Variants in SMCHD1 observed in about 807,000 individuals in gnomAD.
The protein encoded by SMCHD1 is structural maintenance of chromosomes flexible hinge domain-containing protein 1.
In SMCHD1, 78 loss-of-function variants were observed where a neutral mutation model predicts 254.7. The ratio of observed to expected loss-of-function variants is 0.31; its 90% CI spans 0.26 to 0.37. The LOEUF is 0.37. SMCHD1 is among the 10% of genes least tolerant of loss of function. The pLI is 1.00. For missense variants in SMCHD1, 1,840 were observed against 2,408.1 expected (o/e 0.76, Z 4.94); for synonymous variants, 766 against 794.9 (o/e 0.96, Z 0.61).
intron 28 of SMCHD1, among the ~76,000 whole-genome samples, chr18:2,743,023 A>C (rs1377311964): frequency 6.6e-6 from 1 of 152,168 alleles, no homozygotes; most frequent in Non-Finnish European, 1.5e-5. Context: ...AGAAACAAAA[A>C]TAAAATTTTG....
chr18:2,776,745 T>G (rs758295353), intron 42 of SMCHD1, among the ~76,000 whole-genome samples: 3 of 152,224 alleles, frequency 2.0e-5, no homozygotes, highest in Admixed American at 1.3e-4. Context: ...TGTTATTTCA[T>G]CTTATAAATC....
At chr18:2,732,896 G>C (rs2075170403) in intron 25 of SMCHD1, among the ~76,000 whole-genome samples, 1 of 152,136 alleles carries the variant, frequency 6.6e-6, no homozygotes, top group African/African-American at 2.4e-5. Context: ...TAACTACAGA[G>C]CCTCTATTTG....
intron 5 of SMCHD1, among the ~76,000 whole-genome samples, chr18:2,675,922 T>C (rs897724347): frequency 6.6e-6 from 1 of 152,244 alleles, no homozygotes; most frequent in African/African-American, 2.4e-5. Context: ...CTGCTGGTTT[T>C]AGTCTTAGCT....
intron 5 of SMCHD1, among the ~76,000 whole-genome samples, chr18:2,679,670 C>CCCT (rs1255492660): frequency 6.6e-6 from 1 of 151,904 alleles, no homozygotes; most frequent in Admixed American, 6.6e-5. Flanking sequence ...TTGTCTCTGG[C>CCCT]TTTTGACAGT....
intron 25 of SMCHD1, among the ~76,000 whole-genome samples, chr18:2,735,287 T>C (rs920916141): frequency 2.6e-5 from 4 of 152,072 alleles, no homozygotes; most frequent in African/African-American, 9.7e-5. Context: ...AGAACACACC[T>C]CAAGATAATG....
At position 2,718,476 on chromosome 18, in the gene SMCHD1, G is replaced by A. The variant is rs201742470; in HGVS notation, c.2458+42G>A. ...TATATAATTATATATGCTAAAGGTG[G>A]CATTTTAAATCCAAAGAGAAAAGAG... is the stretch of plus-strand genomic sequence containing the variant. On this transcript the variant is annotated intron_variant, in intron 19 of 47. Coordinates refer to ENST00000320876, the MANE Select transcript of SMCHD1 (RefSeq NM_015295.3). The surrounding 1 kb of genome is among the most constrained non-coding windows in gnomAD (Gnocchi z 4.6). 1.6e-5 allele frequency: 24 copies of A among 1,498,324 alleles called. No individual in the cohort carries two copies. The African/African-American group carries it at 2.8e-4, about 18-fold the overall frequency. The allele number at this position is 1,498,324 out of a possible 1,614,324, so 92.8% of individuals were successfully genotyped here.
rs148045037 is a variant in SMCHD1, at chr18:2,670,649, C to T, written c.425-2632C>T. On this transcript the variant is annotated intron_variant, in intron 3 of 47. Coordinates refer to ENST00000320876, the MANE Select transcript of SMCHD1 (RefSeq NM_015295.3). ...TCTGGCTGGGCTCACGCCTGTAATC[C>T]CAGCACTTTGGGAAGCCCCGGCGGG... is the stretch of plus-strand genomic sequence containing the variant. 4.1e-3 allele frequency among the ~76,000 whole-genome samples: 630 copies of T among 152,094 alleles called. 4 individuals carry two copies. The highest frequency in any genetic ancestry group is 0.015 in the African/African-American group (609 of 41,504).
chr18:2,746,991 C>G (rs969076948), intron 29 of SMCHD1, among the ~76,000 whole-genome samples: 2 of 151,926 alleles, frequency 1.3e-5, no homozygotes, highest in African/African-American at 4.8e-5. Context: ...TAACCAAGGG[C>G]TAGAAAGCCA....
At chr18:2,796,363 G>A (rs760178401) in intron 46 of SMCHD1, 44 bp from the exon 47 acceptor site, 1 of 1,231,124 alleles carries the variant, frequency 8.1e-7, no homozygotes, top group South Asian at 1.4e-5. Flanking sequence ...TAATTCCATT[G>A]TTTTTATTGT....
Position 2,738,382 on chromosome 18 carries a change from C to G in SMCHD1, c.3277-15C>G. The G allele has an allele frequency of 1.9e-6, 3 of 1,562,174 alleles. No individual in the cohort carries two copies. Among genetic ancestry groups the G allele is most frequent in the Non-Finnish European group, 2.6e-6 (3 of 1,154,138 alleles). ...ACGAAGCTTTATTATTGTTAAATAT[C>G]TCTTTTTCTCCTAGGTTAATTGGAC... On this transcript the variant is annotated splice_polypyrimidine_tract_variant and intron_variant, in intron 25 of 47. Transcript: ENST00000320876.
rs990209888 is a variant in SMCHD1 at position 2,673,451 on chromosome 18, A to C, written c.507+88A>C. ...TGGAGAAAATGAGAAAATAGAGATA[A>C]AACTAAAAGTAGAAATAATTGTCAG... On this transcript the variant is annotated intron_variant, in intron 4 of 47. Coordinates refer to ENST00000320876, the MANE Select transcript of SMCHD1 (RefSeq NM_015295.3). The C allele has an allele frequency of 3.1e-6, 3 of 960,026 alleles. No homozygotes were observed. The African/African-American group carries it at 5.0e-5, about 16-fold the overall frequency. 59.5% of individuals were successfully genotyped at this position (960,026 alleles called of 1,614,324 possible). A position where few individuals can be genotyped will look rare whatever the true frequency, so the allele number is the denominator to read the frequency against.
Position 2,688,491 on chromosome 18 carries a change from G to C in SMCHD1, c.736G>C (p.Val246Leu). ...TGGGGGCAAGCAAGCTGTCTTCTTT[G>C]TTGGACAATCAGCCAGAGTAAGTAA... The part of the protein sequence containing the change: ...GVGGKQAVFF[V>L]GQSARMISKP... The change falls in exon 6 of 48, where the codon GTT (valine) becomes CTT (leucine). Residue 246 changes from valine (V) to leucine (L), a missense_variant. Physicochemically the swap from Val to Leu is conservative, Grantham distance 32 (BLOSUM62 1). Transcript: ENST00000320876. 1 of 1,613,086 alleles carries C rather than the reference G, an allele frequency of 6.2e-7. No homozygotes were observed. The highest frequency in any genetic ancestry group is 8.5e-7 in the Non-Finnish European group (1 of 1,179,196).
intron 30 of SMCHD1, among the ~76,000 whole-genome samples, chr18:2,748,530 GATTAC>G (rs2075512595): frequency 1.3e-5 from 2 of 150,360 alleles, no homozygotes; most frequent in African/African-American, 2.4e-5. Flanking sequence ...GAGTAGTTGG[GATTAC>G]AGGCATGTGC....
intron 5 of SMCHD1, among the ~76,000 whole-genome samples, chr18:2,687,239 A>G (rs1414420143): frequency 2.0e-5 from 3 of 152,122 alleles, no homozygotes; most frequent in African/African-American, 7.2e-5. Context: ...TAAAAAAATT[A>G]CTTTTGTATG....
At chr18:2,793,335 A>G (rs1225609824) in intron 45 of SMCHD1, among the ~76,000 whole-genome samples, 1 of 152,202 alleles carries the variant, frequency 6.6e-6, no homozygotes, top group African/African-American at 2.4e-5. Context: ...TGACTCATTT[A>G]CATACAAAAT....
chr18:2,704,751 G>C (rs923664095), intron 13 of SMCHD1, among the ~76,000 whole-genome samples: 1 of 151,976 alleles, frequency 6.6e-6, no homozygotes, highest in Non-Finnish European at 1.5e-5. Flanking sequence ...AAGGTAGAAG[G>C]CTCTCTGTTC....
At position 2,772,994 on chromosome 18, in the gene SMCHD1, A is replaced by G. The variant is rs534471930; in HGVS notation, c.5175+622A>G. ...AAGAAATTGAAATTCAGGGAGCTCAAATAACTTGTTAAAATATAGTTAAAG... is the reference window on the plus strand; with the variant it reads ...AAGAAATTGAAATTCAGGGAGCTCAGATAACTTGTTAAAATATAGTTAAAG... On this transcript the variant is annotated intron_variant, in intron 41 of 47. Coordinates refer to ENST00000320876, the MANE Select transcript of SMCHD1 (RefSeq NM_015295.3). Among the ~76,000 whole-genome samples the G allele has an allele frequency of 2.6e-5, 4 of 152,356 alleles. No individual in the cohort carries two copies. The East Asian group carries it at 7.7e-4, about 29-fold the overall frequency.
At chr18:2,784,932 C>T (rs2076214613) in intron 45 of SMCHD1, 1 of 407,432 alleles carries the variant, frequency 2.5e-6, no homozygotes, top group Non-Finnish European at 4.6e-6. Context: ...GGCAACGTAG[C>T]AAGACTCCAT....
chr18:2,684,527 T>A (rs1598310536), intron 5 of SMCHD1, among the ~76,000 whole-genome samples: 1 of 152,306 alleles, frequency 6.6e-6, no homozygotes, highest in East Asian at 1.9e-4. Flanking sequence ...CTATAGATAT[T>A]TGTGTCTTAA....
Sources: gnomAD v4.1 joint callset for allele counts (sites outside exome capture counted in the v4.1 genomes callset) on GRCh38, gnomAD v4.1.1 for gene constraint, Gnocchi (gnomAD v3.1) non-coding constraint, MANE v1.5 for transcripts, NCBI Gene and HGNC (gene_info 2026-07-23, HGNC 2026-07-21) for gene names.